ANXA2: variants seen among roughly 807,000 people sequenced by gnomAD.
ANXA2 encodes the protein annexin A2.
A neutral mutation model predicts 47.3 loss-of-function variants in ANXA2; 28 were observed. The observed-to-expected ratio is 0.59, with a 90% confidence interval of 0.44 to 0.81. The LOEUF (loss-of-function observed/expected upper bound fraction) is 0.81. Ranked by LOEUF, ANXA2 falls within the 40% of genes least tolerant of loss-of-function variation. The pLI, the probability that ANXA2 is intolerant of heterozygous loss-of-function variation, is 0.00. For missense variants in ANXA2, 384 were observed against 414.3 expected (o/e 0.93, Z 0.64); for synonymous variants, 172 against 155.5 (o/e 1.11, Z -0.79).
chr15:60,382,913 G>C (rs897015297), intron 2 of ANXA2: 2 of 154,504 alleles, frequency 1.3e-5, no homozygotes, highest in Non-Finnish European at 2.9e-5. Flanking sequence ...AATGAGGGAA[G>C]CAGCTTCTCC....
chr15:60,373,970 G>A lies in ANXA2; in HGVS notation c.148+8372C>T, dbSNP rs534953312. Among the ~76,000 whole-genome samples, 6 of 152,334 alleles carry A rather than the reference G, an allele frequency of 3.9e-5. No individual in the cohort carries two copies. In the South Asian group the frequency reaches 1.2e-3, roughly 32 times the overall value. On this transcript the variant is annotated intron_variant, in intron 3 of 12. Coordinates refer to ENST00000451270, the MANE Select transcript of ANXA2 (RefSeq NM_004039.3). ...CTCTGGCAGCTGCCAAGAGATGGGA[G>A]AGAAAGTAGGCATTGCACAGGGTGA... is the stretch of plus-strand genomic sequence containing the variant.
chr15:60,356,699 T>C (rs969689033), intron 6 of ANXA2, among the ~76,000 whole-genome samples: 40 of 152,212 alleles, frequency 2.6e-4, no homozygotes, highest in African/African-American at 9.4e-4. Context: ...GCATTGTTTA[T>C]TCCCCTCATA....
At chr15:60,385,133 G>A (rs1186299223) in intron 2 of ANXA2, among the ~76,000 whole-genome samples, 2 of 152,160 alleles carry the variant, frequency 1.3e-5, no homozygotes, top group South Asian at 2.1e-4. Context: ...AGAAAATTCA[G>A]TTTAGTTCTA....
chr15:60,382,075 A>C (rs2062869039), intron 3 of ANXA2, among the ~76,000 whole-genome samples: 1 of 145,904 alleles, frequency 6.9e-6, no homozygotes, highest in East Asian at 2.0e-4. Flanking sequence ...GGAGGGAGGA[A>C]GGAAGGAAGA....
chr15:60,395,489 C>T (rs2063069817), intron 1 of ANXA2, among the ~76,000 whole-genome samples: 1 of 152,206 alleles, frequency 6.6e-6, no homozygotes, highest in Non-Finnish European at 1.5e-5. Context: ...ACAAAGGCTC[C>T]AGACAATGCA....
Position 60,351,731 on chromosome 15 carries a change from C to G in ANXA2, c.771G>C (p.Leu257=), listed in dbSNP as rs116283617. 477 of 1,610,344 alleles carry G rather than the reference C, an allele frequency of 3.0e-4. 3 individuals carry two copies. The African/African-American group carries it at 5.8e-3, about 20-fold the overall frequency. Reference sequence around the variant, plus strand: ...GGGGCCACATTCACTTACCCAGGTTCAGGAAAGCATTTTCCAGGTCTCCTT... The same window carrying G: ...GGGGCCACATTCACTTACCCAGGTTGAGGAAAGCATTTTCCAGGTCTCCTT... ...EVKGDLENAF[L]NLVQCIQNKP... Residue 257 remains leucine, a synonymous_variant, in exon 10 of 13, where the codon CTG becomes CTC. Transcript: ENST00000451270.
intron 1 of ANXA2, chr15:60,393,017 T>A: frequency 1.6e-6 from 2 of 1,286,310 alleles, no homozygotes; most frequent in Non-Finnish European, 2.0e-6. Flanking sequence ...ACCCACCTAC[T>A]GCATCTTTAT....
intron 1 of ANXA2, chr15:60,387,088 G>A (rs574541967): frequency 6.6e-6 from 1 of 152,152 alleles, no homozygotes; most frequent in South Asian, 2.1e-4. Context: ...CTGGTTTGGC[G>A]AGAGTATGTG....
At chr15:60,391,050 T>C (rs2063002664) in intron 1 of ANXA2, 2 of 152,266 alleles carry the variant, frequency 1.3e-5, no homozygotes, top group Admixed American at 1.3e-4. Context: ...TGCACTATAT[T>C]AAAGGATACA....
At chr15:60,349,038 G>C in intron 12 of ANXA2, 37 bp downstream of exon 12, 2 of 1,612,936 alleles carry the variant, frequency 1.2e-6, no homozygotes, top group Non-Finnish European at 1.7e-6. Context: ...GGGTGCTCTG[G>C]ACGGCAGGGC....
At position 60,348,902 on chromosome 15, in the gene ANXA2, A is replaced by G. The variant is rs112460080; in HGVS notation, c.960+173T>C. On this transcript the variant is annotated intron_variant, in intron 12 of 12. Transcript: ENST00000451270. ...TGCCTGATTGTACAAAGTCCAGGAC[A>G]AATCACAAATGGTGCTTTCAAAATA... is the stretch of plus-strand genomic sequence containing the variant. Among the ~76,000 whole-genome samples, 665 of 152,318 alleles carry G rather than the reference A, an allele frequency of 4.4e-3. 3 individuals carry two copies. Among genetic ancestry groups the G allele is most frequent in the African/African-American group, 0.015 (636 of 41,572 alleles).
chr15:60,372,338 C>A (rs181890413), intron 3 of ANXA2, among the ~76,000 whole-genome samples: 1 of 152,146 alleles, frequency 6.6e-6, no homozygotes, highest in Non-Finnish European at 1.5e-5. Context: ...CAAGGTCACA[C>A]AAGCAAGACA....
intron 3 of ANXA2, 100 bp from the exon 4 acceptor site, chr15:60,364,623 ACT>A (rs997508949): frequency 1.2e-6 from 1 of 825,736 alleles, no homozygotes; most frequent in African/African-American, 1.7e-5. Context: ...AAATTTATAT[ACT>A]GTTTTCCAAA....
At chr15:60,363,777 G>A (rs2062552274) in intron 4 of ANXA2, among the ~76,000 whole-genome samples, 1 of 152,138 alleles carries the variant, frequency 6.6e-6, no homozygotes. Context: ...AAAAGCTTAA[G>A]AATTCAAGTG....
chr15:60,390,509 G>A, intron 1 of ANXA2: 1 of 497,912 alleles, frequency 2.0e-6, no homozygotes, highest in South Asian at 1.5e-5. Context: ...TGACTATGGT[G>A]GGTAGACTAA....
chr15:60,364,202 CCTT>C (rs1396916321), intron 4 of ANXA2, among the ~76,000 whole-genome samples: 10 of 152,344 alleles, frequency 6.6e-5, no homozygotes, highest in African/African-American at 2.2e-4. Flanking sequence ...GTTGTACACT[CCTT>C]ATGAGAACCT....
At chr15:60,388,606 T>C (rs1371425630) in intron 1 of ANXA2, among the ~76,000 whole-genome samples, 3 of 151,980 alleles carry the variant, frequency 2.0e-5, no homozygotes, top group Non-Finnish European at 2.9e-5. Context: ...CTTTTTTTTT[T>C]AATGTTTCAG....
intron 1 of ANXA2, 53 bp downstream of exon 1, chr15:60,397,890 A>T (rs12904657): frequency 7.3e-7 from 1 of 1,361,512 alleles, no homozygotes; most frequent in South Asian, 1.8e-5. Flanking sequence ...CAGCGTCTCC[A>T]CACCCCGCTA....
At chr15:60,380,522 GGCTGGGTGC>G (rs1461231644) in intron 3 of ANXA2, among the ~76,000 whole-genome samples, 1 of 151,346 alleles carries the variant, frequency 6.6e-6, no homozygotes, top group Non-Finnish European at 1.5e-5. Context: ...AAAAAGATTG[GGCTGGGTGC>G]GACGGCTCAT....
Sources: allele counts gnomAD v4.1 joint callset (sites outside exome capture counted in the v4.1 genomes callset), GRCh38; gene constraint gnomAD v4.1.1; transcripts MANE v1.5; gene names NCBI Gene and HGNC (gene_info 2026-07-23, HGNC 2026-07-21).